MGST3: variants seen among roughly 807,000 people sequenced by gnomAD.
The protein encoded by MGST3 is glutathione S-transferase 3, mitochondrial.
MGST3 carries 13 observed loss-of-function variants against 15.8 expected under a neutral mutation model. That is an observed-to-expected ratio of 0.82 (90% CI 0.54 to 1.31). MGST3 has a LOEUF of 1.31. MGST3 is among the 50% of genes most tolerant of loss of function. The pLI, the probability that MGST3 is intolerant of heterozygous loss-of-function variation, is 0.00. For missense variants in MGST3, 155 were observed against 192.4 expected (o/e 0.81, Z 1.15); for synonymous variants, 49 against 68.1 (o/e 0.72, Z 1.38).
At position 165,655,575 on chromosome 1, in the gene MGST3, T is replaced by A; in HGVS notation, c.*71T>A. ...CCTTTATTTCCAGTTACATTTTTTT[T>A]CTAAATATAATAAAAACTTACCTGG... On this transcript the variant is annotated 3_prime_UTR_variant, in exon 6 of 6. Transcript: ENST00000367889. The A allele has an allele frequency of 6.3e-7, 1 of 1,580,380 alleles. No homozygotes were observed. Among genetic ancestry groups the A allele is most frequent in the Admixed American group, 1.7e-5 (1 of 58,350 alleles).
intron 1 of MGST3, among the ~76,000 whole-genome samples, chr1:165,641,686 CCT>C (rs1648269963): frequency 6.6e-6 from 1 of 151,988 alleles, no homozygotes; most frequent in African/African-American, 2.4e-5. Flanking sequence ...TAGTATTTTC[CCT>C]GTTTTGTAGA....
At chr1:165,654,954 C>T (rs1425876146) in intron 5 of MGST3, among the ~76,000 whole-genome samples, 2 of 152,148 alleles carry the variant, frequency 1.3e-5, no homozygotes, top group South Asian at 2.1e-4. Flanking sequence ...ATGATTAAAG[C>T]TGTAGGTCAC....
intron 1 of MGST3, among the ~76,000 whole-genome samples, chr1:165,640,356 T>C (rs1648230613): frequency 6.6e-6 from 1 of 152,002 alleles, no homozygotes; most frequent in Non-Finnish European, 1.5e-5. Context: ...ATCAGCCCCA[T>C]TCTGTTTTCA....
intron 1 of MGST3, among the ~76,000 whole-genome samples, chr1:165,632,687 G>A (rs1234851383): frequency 6.6e-6 from 1 of 151,924 alleles, no homozygotes; most frequent in Non-Finnish European, 1.5e-5. Context: ...TAGAAACTGC[G>A]CTACAGGGGC....
At chr1:165,649,796 A>G (rs1648503489) in intron 1 of MGST3, 45 bp from the exon 2 acceptor site, 1 of 1,612,926 alleles carries the variant, frequency 6.2e-7, no homozygotes, top group Admixed American at 1.7e-5. Context: ...ACCATGAAAT[A>G]GCCACAGTGC....
At position 165,654,140 on chromosome 1, in the gene MGST3, C is replaced by T. The variant is rs1648639998; in HGVS notation, c.250-139C>T. 4 of 782,078 alleles carry T rather than the reference C, an allele frequency of 5.1e-6. No homozygotes were observed. The South Asian group carries it at 5.6e-5, about 11-fold the overall frequency. 48.4% of individuals were successfully genotyped at this position (782,078 alleles called of 1,614,324 possible). A position where few individuals can be genotyped will look rare whatever the true frequency, so the allele number is the denominator to read the frequency against. ...TCCCGCTGAAACTAACTTAATTCTA[C>T]CTAATTTGCGTGGGGAGTAGTTGGC... On this transcript the variant is annotated intron_variant, in intron 4 of 5. Transcript: ENST00000367889.
chr1:165,635,479 G>A (rs1025943871), intron 1 of MGST3, among the ~76,000 whole-genome samples: 2 of 152,114 alleles, frequency 1.3e-5, no homozygotes, highest in East Asian at 1.9e-4. Context: ...AACAGAGTTC[G>A]TGTGAGTGCA....
chr1:165,651,276 G>C lies in MGST3; in HGVS notation c.191+189G>C, dbSNP rs187829521. On this transcript the variant is annotated intron_variant, in intron 3 of 5. Transcript: ENST00000367889. The stretch of plus-strand genomic sequence containing the variant: ...TATTAAGCAAACTTAAGAGTGGTTG[G>C]AATGGTGGGATTTCGGGATATTCTT... 691 of 625,392 alleles carry C rather than the reference G, an allele frequency of 1.1e-3. 3 individuals carry two copies. Among genetic ancestry groups the C allele is most frequent in the Non-Finnish European group, 1.7e-3 (590 of 347,364 alleles). The allele number at this position is 625,392 out of a possible 1,614,324, so 38.7% of individuals were successfully genotyped here. A position where few individuals can be genotyped will look rare whatever the true frequency, so the allele number is the denominator to read the frequency against.
rs9333440 is a variant in MGST3 at position 165,644,452 on chromosome 1, C to T, written c.-7-5389C>T. Among the ~76,000 whole-genome samples the T allele has an allele frequency of 9.0e-3, 1,368 of 152,228 alleles. 19 individuals carry two copies. The highest frequency in any genetic ancestry group is 0.032 in the African/African-American group (1,310 of 41,516). On this transcript the variant is annotated intron_variant, in intron 1 of 5. Transcript: ENST00000367889. ...ATGGTATAAAAGACAAAAAATGGTA[C>T]ACCTGTAGAAGGCACTTACCATGAA...
At chr1:165,632,295 G>A (rs988880183) in intron 1 of MGST3, 2 of 1,611,992 alleles carry the variant, frequency 1.2e-6, no homozygotes, top group Non-Finnish European at 8.5e-7. Context: ...TTGGGCCTAG[G>A]TGTGGTCCTG....
rs181265394 is a variant in MGST3, at chr1:165,643,248, G to A, written c.-7-6593G>A. 2.3e-4 allele frequency among the ~76,000 whole-genome samples: 35 copies of A among 151,890 alleles called. 1 individual carries two copies. The highest frequency in any genetic ancestry group is 8.2e-4 in the African/African-American group (34 of 41,416). ...ACAGTTGTATAATGTTCTATTTAAC[G>A]GGTATATTATTTATTTAACTGGCCC... On this transcript the variant is annotated intron_variant, in intron 1 of 5. Coordinates refer to ENST00000367889, the MANE Select transcript of MGST3 (RefSeq NM_004528.4).
At chr1:165,639,051 G>A (rs1263216352) in intron 1 of MGST3, among the ~76,000 whole-genome samples, 1 of 152,110 alleles carries the variant, frequency 6.6e-6, no homozygotes, top group African/African-American at 2.4e-5. Flanking sequence ...AAGTAAAACT[G>A]TCTCTCTTTG....
chr1:165,632,361 G>T, intron 1 of MGST3: 1 of 1,452,214 alleles, frequency 6.9e-7, no homozygotes, highest in South Asian at 1.1e-5. Context: ...CGCTTCTCTT[G>T]GGAAATCTGT....
rs77098126 is a variant in MGST3, at chr1:165,638,854, G to A, written c.-8+7561G>A. Among the ~76,000 whole-genome samples, 1,471 of 151,846 alleles carry A rather than the reference G, an allele frequency of 9.7e-3. 52 individuals are homozygous for A. The highest frequency in any genetic ancestry group is 0.058 in the Admixed American group (890 of 15,234). ...TAGGTTTCTAAAGTATTCTTAAAAG[G>A]GGCATCTGTGGAAACCAGCCACTAA... On this transcript the variant is annotated intron_variant, in intron 1 of 5. Transcript: ENST00000367889.
intron 1 of MGST3, among the ~76,000 whole-genome samples, chr1:165,634,792 C>CCTCCCTCTCCCTCCCTCT (rs1648063915): frequency 8.0e-6 from 1 of 125,228 alleles, no homozygotes; most frequent in Non-Finnish European, 1.7e-5. Flanking sequence ...TCCCTCCCTC[C>CCTCCCTCTCCCTCCCTCT]CTCCCCCCCA....
At chr1:165,635,696 A>G (rs1053242735) in intron 1 of MGST3, 1 of 152,202 alleles carries the variant, frequency 6.6e-6, no homozygotes, top group Non-Finnish European at 1.5e-5. Flanking sequence ...AGTTGAATAT[A>G]TTTGGATTAT....
At chr1:165,633,724 A>C (rs753866790) in intron 1 of MGST3, among the ~76,000 whole-genome samples, 10 of 152,074 alleles carry the variant, frequency 6.6e-5, no homozygotes, top group Non-Finnish European at 1.0e-4. Flanking sequence ...CATTTCTTGT[A>C]ATAGAAAATT....
At chr1:165,644,792 T>G (rs1648352091) in intron 1 of MGST3, among the ~76,000 whole-genome samples, 1 of 152,250 alleles carries the variant, frequency 6.6e-6, no homozygotes, top group Admixed American at 6.5e-5. Context: ...AGAGTCTTGC[T>G]GGGTCTCCCA....
At chr1:165,640,665 G>C (rs1227549415) in intron 1 of MGST3, among the ~76,000 whole-genome samples, 3 of 152,162 alleles carry the variant, frequency 2.0e-5, no homozygotes, top group Non-Finnish European at 2.9e-5. Context: ...ACCAAAGTTT[G>C]AGAACCACTG....
Sources: allele counts gnomAD v4.1 joint callset (sites outside exome capture counted in the v4.1 genomes callset), GRCh38; gene constraint gnomAD v4.1.1; transcripts MANE v1.5; gene names NCBI Gene and HGNC (gene_info 2026-07-23, HGNC 2026-07-21).